The following SIK3 variants were observed in gnomAD, a reference collection of about 807,000 sequenced individuals.
The protein encoded by SIK3 is SIK family kinase 3, also known as serine/threonine-protein kinase SIK3.
Under a neutral mutation model 144.2 loss-of-function variants are expected in SIK3, and 28 were observed. The observed-to-expected ratio is 0.19, with a 90% CI of 0.14 to 0.27. The LOEUF (loss-of-function observed/expected upper bound fraction) is 0.27. Ranked by LOEUF, SIK3 falls within the 10% of genes least tolerant of loss-of-function variation. SIK3 has a pLI of 1.00. For missense variants in SIK3, 1,319 were observed against 1,776.0 expected (o/e 0.74, Z 4.62); for synonymous variants, 686 against 676.3 (o/e 1.01, Z -0.22).
chr11:117,029,075 A>G (rs948236579), intron 1 of SIK3, among the ~76,000 whole-genome samples: 2 of 152,044 alleles, frequency 1.3e-5, no homozygotes, highest in African/African-American at 4.8e-5. Flanking sequence ...CGCCCGGCTA[A>G]TTTTGGTATT....
chr11:117,056,648 A>G (rs1953548744), intron 1 of SIK3, among the ~76,000 whole-genome samples: 1 of 151,406 alleles, frequency 6.6e-6, no homozygotes, highest in South Asian at 2.1e-4. Context: ...GTGCAGGTGA[A>G]CACACAGAGC....
In SIK3 at chr11:117,015,078, G is replaced by A. The variant is rs562409534; in HGVS notation, c.274-58014C>T. Among the ~76,000 whole-genome samples the A allele has an allele frequency of 8.6e-5, 13 of 152,040 alleles. No homozygotes were observed. The East Asian group carries it at 2.3e-3, about 27-fold the overall frequency. On this transcript the variant is annotated intron_variant, in intron 1 of 24. Transcript: ENST00000445177. Reference sequence around the variant, plus strand: ...GGCCCTGTCTCCAAAATACACAAAAGTTTTTAATTTAAAAAAAATTTTTTT... The same window carrying A: ...GGCCCTGTCTCCAAAATACACAAAAATTTTTAATTTAAAAAAAATTTTTTT...
In SIK3 at chr11:116,858,215, C is replaced by T; in HGVS notation, c.3250G>A (p.Gly1084Arg). Residue 1084 changes from glycine to arginine, a missense_variant, in exon 21 of 25, where the codon GGA (glycine) becomes AGA (arginine). Physicochemically the swap from Gly to Arg is moderately radical, Grantham distance 125. This residue lies in a region of SIK3 where 646 missense variants were observed against 763.7 expected (regional missense o/e 0.85). Coordinates refer to ENST00000445177, the MANE Select transcript of SIK3 (RefSeq NM_001366686.3). The surrounding 1 kb of genome is among the most constrained non-coding windows in gnomAD (Gnocchi z 5.4). ...GCCTGGCGCTCTGTCATGCTCTGTC[C>T]CCCAAGGCTGGGAGCCAGACTCCCC... ...DAGSLAPSLG[G>R]QSMTERQALS... 1 of 1,614,150 alleles carries T rather than the reference C, an allele frequency of 6.2e-7. No individual in the cohort carries two copies. Among genetic ancestry groups the T allele is most frequent in the Non-Finnish European group, 8.5e-7 (1 of 1,180,018 alleles).
In SIK3 at chr11:116,846,349, G is replaced by A; in HGVS notation, c.*13+34C>T. Reference sequence around the variant, plus strand: ...GATTGGGAGCAGGCACTGGGCCACAGGGCTGGTTTGGCTCTGGCCAGGGTG... The same window carrying A: ...GATTGGGAGCAGGCACTGGGCCACAAGGCTGGTTTGGCTCTGGCCAGGGTG... On this transcript the variant is annotated intron_variant, in intron 24 of 24. Transcript: ENST00000445177. The surrounding 1 kb of genome is among the most constrained non-coding windows in gnomAD (Gnocchi z 4.1). 6.2e-7 allele frequency: 1 copy of A among 1,602,598 alleles called. No homozygotes were observed. Among genetic ancestry groups the A allele is most frequent in the Non-Finnish European group, 8.5e-7 (1 of 1,173,862 alleles).
At chr11:117,001,483 G>T (rs2135611571) in intron 1 of SIK3, among the ~76,000 whole-genome samples, 1 of 150,822 alleles carries the variant, frequency 6.6e-6, no homozygotes, top group African/African-American at 2.4e-5. Context: ...TCCAGCCTGG[G>T]CAACACAGCA....
chr11:116,982,906 T>C (rs1950194793), intron 1 of SIK3, among the ~76,000 whole-genome samples: 1 of 124,622 alleles, frequency 8.0e-6, no homozygotes, highest in African/African-American at 3.1e-5. Flanking sequence ...ATCACACCAC[T>C]GCACTCCAGC....
At position 116,846,432 on chromosome 11, in the gene SIK3, G is replaced by A. The variant is rs778053250; in HGVS notation, c.4074C>T (p.Pro1358=). Residue 1358 remains proline, a synonymous_variant, in exon 24 of 25, where the codon CCC becomes CCT. Transcript: ENST00000445177. The surrounding 1 kb of genome is among the most constrained non-coding windows in gnomAD (Gnocchi z 4.1). The part of the protein sequence containing the change: ...ITDILLSYKH[P]EVSFSMEQAG... ...CCTGCTCCATGCTGAAGGAGACTTC[G>A]GGGTGCTTGTAGCTGAGCAGAATGT... is the stretch of plus-strand genomic sequence containing the variant. 1.2e-6 allele frequency: 2 copies of A among 1,614,180 alleles called. No individual in the cohort carries two copies. Among genetic ancestry groups the A allele is most frequent in the Admixed American group, 1.7e-5 (1 of 60,032 alleles).
At chr11:117,058,126 T>C (rs983205408) in intron 1 of SIK3, among the ~76,000 whole-genome samples, 3 of 152,110 alleles carry the variant, frequency 2.0e-5, no homozygotes, top group African/African-American at 4.8e-5. Flanking sequence ...GTGCTAAGAA[T>C]GAGCTTGGCA....
rs1467251758 is a variant in SIK3 at position 116,883,597 on chromosome 11, T to A, written c.866-6555A>T. Among the ~76,000 whole-genome samples, 5 of 152,316 alleles carry A rather than the reference T, an allele frequency of 3.3e-5. No individual in the cohort carries two copies. In the South Asian group the frequency reaches 8.3e-4, roughly 25 times the overall value. On this transcript the variant is annotated intron_variant, in intron 6 of 24. Transcript: ENST00000445177. ...GATCAAACCTATTTATTTAACATAG[T>A]CACTATTTAAAAATGTAAACAAATA... is the stretch of plus-strand genomic sequence containing the variant.
intron 6 of SIK3, among the ~76,000 whole-genome samples, chr11:116,887,240 T>A: frequency 1.1e-5 from 1 of 93,930 alleles, no homozygotes; most frequent in Non-Finnish European, 2.3e-5. Flanking sequence ...ATCTTGTCTC[T>A]ACACTAAAAA....
chr11:117,001,185 AT>A (rs1261347914), intron 1 of SIK3, among the ~76,000 whole-genome samples: 1 of 152,178 alleles, frequency 6.6e-6, no homozygotes, highest in Non-Finnish European at 1.5e-5. Flanking sequence ...GTCTTGACTA[AT>A]TTCTAGGTCA....
In SIK3 at chr11:116,947,569, A is replaced by AT. The variant is rs1555107834; in HGVS notation, c.454+6474dup. On this transcript the variant is annotated intron_variant, in intron 3 of 24. Coordinates refer to ENST00000445177, the MANE Select transcript of SIK3 (RefSeq NM_001366686.3). ...TATGTATGTATGTATGTATGTATGTATTTTTTTTTTTTTTGAGACAGAGTC... is the reference window on the plus strand; with the variant it reads ...TATGTATGTATGTATGTATGTATGTATTTTTTTTTTTTTTTGAGACAGAGTC... 9.0e-3 allele frequency among the ~76,000 whole-genome samples: 985 copies of AT among 109,430 alleles called. 34 individuals are homozygous for AT. Among genetic ancestry groups the AT allele is most frequent in the African/African-American group, 0.028 (891 of 31,820 alleles). 71.8% of individuals were successfully genotyped at this position (109,430 alleles called of 152,430 possible). A position where few individuals can be genotyped will look rare whatever the true frequency, so the allele number is the denominator to read the frequency against.
At chr11:116,864,638 A>C (rs574506294) in intron 15 of SIK3, 3 of 152,400 alleles carry the variant, frequency 2.0e-5, no homozygotes, top group African/African-American at 7.2e-5. Flanking sequence ...TACTCTTGTG[A>C]CCTGATGATC....
At chr11:117,006,717 G>A (rs1218377545) in intron 1 of SIK3, among the ~76,000 whole-genome samples, 1 of 152,142 alleles carries the variant, frequency 6.6e-6, no homozygotes, top group Non-Finnish European at 1.5e-5. Flanking sequence ...ATGGGGGTAG[G>A]AGGTGTTTTT....
chr11:116,870,252 T>G, intron 14 of SIK3, 79 bp downstream of exon 14: 1 of 1,593,714 alleles, frequency 6.3e-7, no homozygotes, highest in Non-Finnish European at 8.5e-7. Context: ...TACCACCTCC[T>G]TGGGCAGAGG....
intron 2 of SIK3, among the ~76,000 whole-genome samples, chr11:116,955,734 C>T (rs759936965): frequency 2.0e-5 from 3 of 152,140 alleles, no homozygotes; most frequent in Non-Finnish European, 4.4e-5. Flanking sequence ...TCAGGCAGCA[C>T]CAGGAAGCTT....
At chr11:116,856,226 C>T (rs1168318385) in intron 21 of SIK3, among the ~76,000 whole-genome samples, 2 of 151,152 alleles carry the variant, frequency 1.3e-5, no homozygotes, top group Non-Finnish European at 2.9e-5. Flanking sequence ...AACGTGAGCT[C>T]ATCTCCTTTT....
intron 4 of SIK3, among the ~76,000 whole-genome samples, chr11:116,913,646 T>G (rs1206815068): frequency 6.6e-6 from 1 of 152,182 alleles, no homozygotes; most frequent in East Asian, 1.9e-4. Context: ...AATGAGTATA[T>G]CATAGTCATG....
chr11:116,926,220 C>T (rs1032853959), intron 4 of SIK3, among the ~76,000 whole-genome samples: 2 of 152,028 alleles, frequency 1.3e-5, no homozygotes, highest in Non-Finnish European at 2.9e-5. Flanking sequence ...TCTGGGAGAC[C>T]GGGGATACAC....
Sources: gnomAD v4.1 joint callset for allele counts (sites outside exome capture counted in the v4.1 genomes callset) on GRCh38, gnomAD v4.1.1 for gene constraint, gnomAD v4.1.1 regional missense constraint, Gnocchi (gnomAD v3.1) non-coding constraint, MANE v1.5 for transcripts, NCBI Gene and HGNC (gene_info 2026-07-23, HGNC 2026-07-21) for gene names.